Variants in CTNNA3 observed in about 807,000 individuals in gnomAD.
CTNNA3 encodes the protein catenin alpha 3, also known as catenin alpha-3.
CTNNA3 carries 76 observed loss-of-function variants against 95.7 expected under a neutral mutation model. The ratio of observed to expected loss-of-function variants is 0.79; its 90% CI spans 0.66 to 0.96. The LOEUF (loss-of-function observed/expected upper bound fraction) is 0.96. Ranked by LOEUF, CTNNA3 falls within the 40% of genes least tolerant of loss-of-function variation. CTNNA3 has a pLI of 0.00. For missense variants in CTNNA3, 1,191 were observed against 1,089.8 expected (o/e 1.09, Z -1.31); for synonymous variants, 431 against 374.4 (o/e 1.15, Z -1.74).
chr10:67,489,685 G>A (rs998156973), intron 5 of CTNNA3, among the ~76,000 whole-genome samples: 1 of 151,908 alleles, frequency 6.6e-6, no homozygotes, highest in Non-Finnish European at 1.5e-5. Context: ...GGCATTCACT[G>A]AGGCAGGAAA....
chr10:66,867,662 T>C (rs919763807), intron 7 of CTNNA3, among the ~76,000 whole-genome samples: 2 of 152,054 alleles, frequency 1.3e-5, no homozygotes, highest in Admixed American at 6.6e-5. Context: ...AGCTCTCACG[T>C]CTAAGTTCAA....
intron 11 of CTNNA3, among the ~76,000 whole-genome samples, chr10:66,512,399 C>A (rs10997208): frequency 0.072 from 10,976 of 151,910 alleles, 697 homozygotes; most frequent in East Asian, 0.31. Context: ...AGGATTTATT[C>A]TTGTCATTTT....
chr10:66,185,217 T>C (rs945192017), intron 13 of CTNNA3, among the ~76,000 whole-genome samples: 2 of 152,098 alleles, frequency 1.3e-5, no homozygotes, highest in Non-Finnish European at 2.9e-5. Flanking sequence ...GGTAAATAAA[T>C]AGAGAAAAAC....
rs558738060 is a variant in CTNNA3 at position 66,512,143 on chromosome 10, T to A, written c.1531+8474A>T. 1.2e-3 allele frequency among the ~76,000 whole-genome samples: 185 copies of A among 152,162 alleles called. 1 individual carries two copies. The highest frequency in any genetic ancestry group is 4.4e-3 in the African/African-American group (182 of 41,574). On this transcript the variant is annotated intron_variant, in intron 11 of 17. Coordinates refer to ENST00000433211, the MANE Select transcript of CTNNA3 (RefSeq NM_013266.4). ...ATATAATGACCTCTGTGTCTTTTTA[T>A]CTTTTTATTTTTAATAAAAGTCTAT...
rs563081492 is a variant in CTNNA3 at position 66,407,273 on chromosome 10, G to A, written c.1532-27921C>T. ...CATTTTTATTATGTACTCTCAACTC[G>A]ACCCAAAACACATCTAAAAAAACCT... On this transcript the variant is annotated intron_variant, in intron 11 of 17. Transcript: ENST00000433211. 2.6e-4 allele frequency among the ~76,000 whole-genome samples: 39 copies of A among 147,416 alleles called. No individual in the cohort carries two copies. The South Asian group carries it at 7.4e-3, about 28-fold the overall frequency.
intron 11 of CTNNA3, among the ~76,000 whole-genome samples, chr10:66,464,251 T>C (rs1838806517): frequency 6.6e-6 from 1 of 152,118 alleles, no homozygotes; most frequent in African/African-American, 2.4e-5. Flanking sequence ...TAAGTCTAAA[T>C]TTTTCAACTA....
intron 2 of CTNNA3, among the ~76,000 whole-genome samples, chr10:67,641,334 A>G (rs536208644): frequency 0.087 from 13,185 of 152,138 alleles, 1,302 homozygotes; most frequent in African/African-American, 0.24. Context: ...TTAGAATGGC[A>G]ATCATTAAAA....
intron 13 of CTNNA3, among the ~76,000 whole-genome samples, chr10:66,207,488 A>T (rs1435481241): frequency 6.6e-6 from 1 of 151,978 alleles, no homozygotes; most frequent in African/African-American, 2.4e-5. Flanking sequence ...ATAACCATAA[A>T]ACAGCTGGAG....
At chr10:67,548,013 C>T (rs920035422) in intron 3 of CTNNA3, among the ~76,000 whole-genome samples, 2 of 152,160 alleles carry the variant, frequency 1.3e-5, no homozygotes, top group African/African-American at 4.8e-5. Context: ...TGTTTATCCC[C>T]GCCAAATCTC....
At chr10:66,529,447 T>C (rs10997218) in intron 10 of CTNNA3, among the ~76,000 whole-genome samples, 3 of 82,246 alleles carry the variant, frequency 3.6e-5, no homozygotes, top group Admixed American at 1.3e-4. Flanking sequence ...GTGTTTTTTT[T>C]TTGTTTTTTT....
At chr10:66,553,969 T>C (rs1005913784) in intron 10 of CTNNA3, among the ~76,000 whole-genome samples, 1 of 152,170 alleles carries the variant, frequency 6.6e-6, no homozygotes, top group Admixed American at 6.5e-5. Context: ...AAAACATTAT[T>C]ATTATTTTAT....
At chr10:65,948,199 T>C (rs1471060100) in intron 17 of CTNNA3, among the ~76,000 whole-genome samples, 1 of 148,480 alleles carries the variant, frequency 6.7e-6, no homozygotes, top group Non-Finnish European at 1.5e-5. Flanking sequence ...GAGAATGGCA[T>C]GACCCCGGGA....
At position 66,036,340 on chromosome 10, in the gene CTNNA3, T is replaced by C. The variant is rs569243596; in HGVS notation, c.2159+32968A>G. Among the ~76,000 whole-genome samples, 10 of 152,230 alleles carry C rather than the reference T, an allele frequency of 6.6e-5. No individual in the cohort carries two copies. The South Asian group carries it at 1.9e-3, about 28-fold the overall frequency. The stretch of plus-strand genomic sequence containing the variant: ...GTCTCTAGACGGCGAAAACCATGCA[T>C]GTTTAAAAGGACCACCAGGTTTTTT... On this transcript the variant is annotated intron_variant, in intron 15 of 17. Transcript: ENST00000433211.
In CTNNA3 at chr10:66,942,548, G is replaced by GTCTCTCTCTC. The variant is rs67598003; in HGVS notation, c.1048-167034_1048-167025dup. On this transcript the variant is annotated intron_variant, in intron 7 of 17. Transcript: ENST00000433211. The stretch of plus-strand genomic sequence containing the variant: ...TCTCTCTTTAAAACATTGCCATAAT[G>GTCTCTCTCTC]TCTCTCTCTCTCTCTCTCTCTCTCT... Among the ~76,000 whole-genome samples, 573 of 148,120 alleles carry GTCTCTCTCTC rather than the reference G, an allele frequency of 3.9e-3. 3 individuals are homozygous for GTCTCTCTCTC. The highest frequency in any genetic ancestry group is 0.014 in the African/African-American group (551 of 40,434).
rs552593505 is a variant in CTNNA3 at position 67,750,526 on chromosome 10, C to T, written c.-2+12908G>A. On this transcript the variant is annotated intron_variant, in intron 1 of 17. Coordinates refer to the CTNNA3 transcript ENST00000684154. ...TCTTCATCATCAACAAGTTGTGGCC[C>T]ACTTTCTTTGAGAGACCCCTTGTGA... is the stretch of plus-strand genomic sequence containing the variant. 3.8e-6 allele frequency: 6 copies of T among 1,576,788 alleles called. No homozygotes were observed. The Admixed American group carries it at 5.0e-5, about 13-fold the overall frequency.
At position 66,677,188 on chromosome 10, in the gene CTNNA3, T is replaced by A. The variant is rs139259610; in HGVS notation, c.1282-55404A>T. Among the ~76,000 whole-genome samples, 280 of 152,130 alleles carry A rather than the reference T, an allele frequency of 1.8e-3. 1 individual carries two copies. Among genetic ancestry groups the A allele is most frequent in the South Asian group, 4.6e-3 (22 of 4,818 alleles). ...CTTATTCTGGGGTGACATAGGAGCTTCAGAGGATCTGGCAGGAAACTCAAA... is the reference window on the plus strand; with the variant it reads ...CTTATTCTGGGGTGACATAGGAGCTACAGAGGATCTGGCAGGAAACTCAAA... On this transcript the variant is annotated intron_variant, in intron 9 of 17. Coordinates refer to ENST00000433211, the MANE Select transcript of CTNNA3 (RefSeq NM_013266.4).
intron 7 of CTNNA3, among the ~76,000 whole-genome samples, chr10:66,861,390 C>A (rs556450982): frequency 6.6e-6 from 1 of 152,158 alleles, no homozygotes; most frequent in East Asian, 1.9e-4. Context: ...TGTGCACATT[C>A]GGTTCACTGA....
intron 5 of CTNNA3, among the ~76,000 whole-genome samples, chr10:67,446,023 G>T (rs1450917268): frequency 6.6e-6 from 1 of 152,076 alleles, no homozygotes; most frequent in Non-Finnish European, 1.5e-5. Flanking sequence ...CCCTCACATA[G>T]TATTAAAGCA....
At chr10:67,754,142 G>C (rs1057306986) in intron 1 of CTNNA3, among the ~76,000 whole-genome samples, 3 of 152,164 alleles carry the variant, frequency 2.0e-5, no homozygotes, top group Non-Finnish European at 4.4e-5. Context: ...CCATAAAAAG[G>C]AACAAGATCG....
Sources: gnomAD v4.1 joint callset for allele counts (sites outside exome capture counted in the v4.1 genomes callset) on GRCh38, gnomAD v4.1.1 for gene constraint, MANE v1.5 for transcripts, NCBI Gene and HGNC (gene_info 2026-07-23, HGNC 2026-07-21) for gene names.